ZNF18: variants seen among roughly 807,000 people sequenced by gnomAD.
ZNF18 encodes the protein zinc finger protein 18.
In ZNF18, 42 loss-of-function variants were observed where a neutral mutation model predicts 58.1. The ratio of observed to expected loss-of-function variants is 0.72; its 90% CI spans 0.56 to 0.93. The LOEUF is 0.93. Among genes scored for constraint, ZNF18 ranks in the 40% least tolerant of loss-of-function variants. The pLI is 0.00. For synonymous variants in ZNF18, 231 were observed against 239.8 expected, an observed-to-expected ratio of 0.96 and a Z score of 0.34; for missense variants, 540 against 644.2, an observed-to-expected ratio of 0.84 and a Z score of 1.75.
chr17:11,997,924 A>G (rs544643319), upstream of ZNF18, among the ~76,000 whole-genome samples: 1 of 151,816 alleles, frequency 6.6e-6, no homozygotes, highest in South Asian at 2.1e-4. Context: ...ATTTGCCCCA[A>G]CCTTCTTCCT....
rs1967077943 is a variant in ZNF18 at position 11,977,652 on chromosome 17, C to CTTCT, written c.*304_*305insAGAA. The CTTCT allele has an allele frequency of 3.7e-6, 1 of 273,584 alleles. No homozygotes were observed. The highest frequency in any genetic ancestry group is 6.9e-6 in the Non-Finnish European group (1 of 145,552). The allele number at this position is 273,584 out of a possible 1,614,324, so 16.9% of individuals were successfully genotyped here. ...ACAGCTAATCCCATTAAATGCTTCC[C>CTTCT]AGAAAGCACTTCTAAAACTGGATCT... On this transcript the variant is annotated 3_prime_UTR_variant, in exon 7 of 7. Coordinates refer to ENST00000580306, the MANE Select transcript of ZNF18 (RefSeq NM_001303281.2).
intron 2 of ZNF18, 58 bp downstream of exon 2, chr17:11,992,385 G>T (rs1216213181): frequency 6.4e-7 from 1 of 1,560,124 alleles, no homozygotes; most frequent in Admixed American, 1.9e-5. Context: ...CAACACACCT[G>T]ATGGGACCAG....
the ZNF18 span, chr17:12,021,040 C>T: frequency 9.6e-6 from 11 of 1,142,684 alleles, no homozygotes; most frequent in Non-Finnish European, 1.2e-5. Flanking sequence ...AGCCCCCTAG[C>T]GCGGCAACCC....
chr17:12,014,808 T>C, the ZNF18 span, among the ~76,000 whole-genome samples: 2 of 152,186 alleles, frequency 1.3e-5, no homozygotes, highest in African/African-American at 4.8e-5. Flanking sequence ...ACCAGCACTT[T>C]GGGAGGCCGA....
At chr17:11,989,906 C>T (rs1336992626) in intron 4 of ZNF18, among the ~76,000 whole-genome samples, 1 of 151,770 alleles carries the variant, frequency 6.6e-6, no homozygotes, top group East Asian at 1.9e-4. Flanking sequence ...AGAAATTGTC[C>T]AAAATAAAAC....
Position 11,984,096 on chromosome 17 carries a change from C to G in ZNF18, c.751+17G>C. 1 of 1,606,486 alleles carries G rather than the reference C, an allele frequency of 6.2e-7. No individual in the cohort carries two copies. Among genetic ancestry groups the G allele is most frequent in the South Asian group, 1.1e-5 (1 of 89,898 alleles). On this transcript the variant is annotated intron_variant, in intron 5 of 6. Transcript: ENST00000580306. Reference sequence around the variant, plus strand: ...AGTCCTTCTACCTCCTTCCATCAGACTAACCCACACCCTCACCTCCTGAGA... The same window carrying G: ...AGTCCTTCTACCTCCTTCCATCAGAGTAACCCACACCCTCACCTCCTGAGA...
At chr17:12,021,203 C>A in the ZNF18 span, 1 of 329,986 alleles carries the variant, frequency 3.0e-6, no homozygotes, top group Non-Finnish European at 5.4e-6. Context: ...CCGCATAGGC[C>A]CCGGCCGCGG....
At chr17:12,011,202 C>T in the ZNF18 span, 1 of 538,690 alleles carries the variant, frequency 1.9e-6, no homozygotes, top group Non-Finnish European at 3.4e-6. Context: ...GGTGCCTCTC[C>T]TCTTTCACTT....
chr17:11,993,501 C>T (rs1239527836), intron 1 of ZNF18: 1 of 152,076 alleles, frequency 6.6e-6, no homozygotes, highest in East Asian at 1.9e-4. Flanking sequence ...AAGTATCATA[C>T]CTGACACTTT....
chr17:12,020,358 A>G, the ZNF18 span, among the ~76,000 whole-genome samples: 1 of 152,184 alleles, frequency 6.6e-6, no homozygotes, highest in Non-Finnish European at 1.5e-5. Flanking sequence ...CTTTCCCCTC[A>G]GAGAAGTGTA....
chr17:11,979,066 T>C (rs1172427356), intron 6 of ZNF18, among the ~76,000 whole-genome samples: 2 of 151,406 alleles, frequency 1.3e-5, no homozygotes, highest in Non-Finnish European at 2.9e-5. Flanking sequence ...AAGTATATTA[T>C]AGGCAACTAC....
chr17:11,980,482 G>C (rs892557136), intron 6 of ZNF18, among the ~76,000 whole-genome samples: 1 of 151,966 alleles, frequency 6.6e-6, no homozygotes, highest in Admixed American at 6.6e-5. Context: ...GTGCAATGGC[G>C]TGATCTTGGC....
the ZNF18 span, chr17:12,020,934 C>G: frequency 8.2e-7 from 1 of 1,217,438 alleles, no homozygotes; most frequent in African/African-American, 1.6e-5. Context: ...GGGGCGGCAG[C>G]GGCAGCGGCA....
chr17:11,997,488 C>CT (rs1968552144), upstream of ZNF18: 1 of 152,272 alleles, frequency 6.6e-6, no homozygotes, highest in Non-Finnish European at 1.5e-5. Flanking sequence ...CTGCGCGCGC[C>CT]TCAGGCGGCA....
the ZNF18 span, among the ~76,000 whole-genome samples, chr17:12,004,145 C>T: frequency 3.9e-3 from 592 of 151,812 alleles, 3 homozygotes; most frequent in Middle Eastern, 6.9e-3. Context: ...GCAGGAGAAT[C>T]GCTTGAACCC....
intron 5 of ZNF18, 26 bp from the exon 6 acceptor site, chr17:11,983,433 G>C (rs781354224): frequency 1.3e-6 from 2 of 1,571,978 alleles, no homozygotes; most frequent in South Asian, 2.2e-5. Flanking sequence ...TGTATGGTGG[G>C]CCTGGATGAA....
intron 2 of ZNF18, among the ~76,000 whole-genome samples, chr17:11,991,788 T>C (rs916295936): frequency 2.6e-5 from 4 of 151,462 alleles, no homozygotes; most frequent in African/African-American, 9.7e-5. Flanking sequence ...GATTAAAAGG[T>C]TGGAACTTTC....
the ZNF18 span, chr17:12,020,914 G>A: frequency 8.2e-7 from 1 of 1,216,552 alleles, no homozygotes; most frequent in Non-Finnish European, 1.0e-6. Context: ...GAGCGGCGGC[G>A]GCGGCTCCGG....
At chr17:12,011,458 T>A in the ZNF18 span, among the ~76,000 whole-genome samples, 1 of 152,016 alleles carries the variant, frequency 6.6e-6, no homozygotes, top group Non-Finnish European at 1.5e-5. Context: ...CGATCTCAGC[T>A]CACTGCAACC....
Sources: allele counts gnomAD v4.1 joint callset (sites outside exome capture counted in the v4.1 genomes callset), GRCh38; gene constraint gnomAD v4.1.1; transcripts MANE v1.5; gene names NCBI Gene and HGNC (gene_info 2026-07-23, HGNC 2026-07-21).